The following PTPRG variants were observed in gnomAD, a reference collection of about 807,000 sequenced individuals.
PTPRG encodes the protein protein tyrosine phosphatase receptor type G.
A neutral mutation model predicts 165.3 loss-of-function variants in PTPRG; 102 were observed. The ratio of observed to expected loss-of-function variants is 0.62; its 90% CI spans 0.53 to 0.73. The LOEUF (loss-of-function observed/expected upper bound fraction) is 0.73, where lower values mean the gene tolerates loss of function less well. Among genes scored for constraint, PTPRG ranks in the 30% least tolerant of loss-of-function variants. PTPRG has a pLI of 0.00. For missense variants in PTPRG, 1,866 were observed against 1,861.4 expected (o/e 1.00, Z -0.05); for synonymous variants, 675 against 669.5 (o/e 1.01, Z -0.13).
At chr3:62,039,910 C>G (rs1700071542) in intron 4 of PTPRG, among the ~76,000 whole-genome samples, 1 of 152,146 alleles carries the variant, frequency 6.6e-6, no homozygotes, top group Non-Finnish European at 1.5e-5. Context: ...CTCCAAGTGA[C>G]TCTCTGTTAA....
At chr3:62,262,152 A>G (rs1701719527) in intron 16 of PTPRG, 1 of 152,210 alleles carries the variant, frequency 6.6e-6, no homozygotes, top group Non-Finnish European at 1.5e-5. Context: ...TATTTCTGCT[A>G]CTGCTATTTT....
chr3:61,912,942 T>C (rs1180566119), intron 2 of PTPRG, among the ~76,000 whole-genome samples: 1 of 152,132 alleles, frequency 6.6e-6, no homozygotes, highest in Non-Finnish European at 1.5e-5. Flanking sequence ...ATGCTGAAAA[T>C]AACATGAACA....
At chr3:61,962,482 G>C (rs1479855075) in intron 2 of PTPRG, among the ~76,000 whole-genome samples, 2 of 152,166 alleles carry the variant, frequency 1.3e-5, no homozygotes, top group Non-Finnish European at 2.9e-5. Context: ...GAAATGGGGA[G>C]AGTTAAGTGT....
At chr3:61,674,987 G>A (rs1703173830) in intron 1 of PTPRG, among the ~76,000 whole-genome samples, 1 of 152,118 alleles carries the variant, frequency 6.6e-6, no homozygotes, top group African/African-American at 2.4e-5. Flanking sequence ...AAATAAATTA[G>A]AACAGGAGAC....
chr3:61,834,089 T>C (rs1191047782), intron 2 of PTPRG, among the ~76,000 whole-genome samples: 1 of 152,228 alleles, frequency 6.6e-6, no homozygotes, highest in Non-Finnish European at 1.5e-5. Flanking sequence ...TGCTTATATA[T>C]TACTCTTTTA....
chr3:61,892,769 T>C (rs1258244945), intron 2 of PTPRG, among the ~76,000 whole-genome samples: 1 of 151,040 alleles, frequency 6.6e-6, no homozygotes, highest in Non-Finnish European at 1.5e-5. Context: ...TGAGCCGAGA[T>C]CGTGTCATTG....
At chr3:62,124,467 C>G in intron 5 of PTPRG, 1 of 1,612,944 alleles carries the variant, frequency 6.2e-7, no homozygotes, top group Non-Finnish European at 8.5e-7. Flanking sequence ...GGCACCAGCT[C>G]CTTGAGCTTG....
At chr3:61,861,396 TATC>T (rs2037267578) in intron 2 of PTPRG, among the ~76,000 whole-genome samples, 2 of 152,144 alleles carry the variant, frequency 1.3e-5, no homozygotes, top group South Asian at 4.1e-4. Context: ...TGATCAAAGA[TATC>T]ATTGTAGGAG....
intron 1 of PTPRG, among the ~76,000 whole-genome samples, chr3:61,649,833 A>C (rs1347219678): frequency 6.6e-6 from 1 of 152,224 alleles, no homozygotes; most frequent in Non-Finnish European, 1.5e-5. Context: ...GGCTGATGAC[A>C]GGGCTTGAAA....
intron 1 of PTPRG, among the ~76,000 whole-genome samples, chr3:61,673,428 A>G (rs1001520542): frequency 6.6e-6 from 1 of 152,210 alleles, no homozygotes; most frequent in Non-Finnish European, 1.5e-5. Context: ...TCATTGAGGT[A>G]GTTCTCAGTC....
At chr3:61,672,048 C>T (rs1379020747) in intron 1 of PTPRG, among the ~76,000 whole-genome samples, 7 of 139,778 alleles carry the variant, frequency 5.0e-5, no homozygotes, top group Non-Finnish European at 9.3e-5. Flanking sequence ...TCAGACGGGG[C>T]GGCTGGGCAG....
intron 12 of PTPRG, among the ~76,000 whole-genome samples, chr3:62,212,036 G>A (rs142186218): frequency 1.3e-5 from 2 of 151,764 alleles, no homozygotes; most frequent in African/African-American, 2.4e-5. Context: ...AAATAAAGAC[G>A]GAGAGAAAGA....
chr3:62,080,298 ACT>A (rs933961359), intron 5 of PTPRG, among the ~76,000 whole-genome samples: 1 of 149,622 alleles, frequency 6.7e-6, no homozygotes, highest in African/African-American at 2.5e-5. Flanking sequence ...CTGGTGTTAA[ACT>A]CTCAACCTCA....
intron 12 of PTPRG, among the ~76,000 whole-genome samples, chr3:62,207,223 G>C (rs985542801): frequency 1.3e-5 from 2 of 152,226 alleles, no homozygotes; most frequent in Non-Finnish European, 2.9e-5. Context: ...ACAATACACA[G>C]CTGAGAGGAT....
intron 1 of PTPRG, among the ~76,000 whole-genome samples, chr3:61,680,455 A>ACAT (rs1200461281): frequency 6.7e-6 from 1 of 150,292 alleles, no homozygotes; most frequent in East Asian, 2.0e-4. Flanking sequence ...AAATCCAGAA[A>ACAT]CATCAGCGTT....
rs187435775 is a variant in PTPRG, at chr3:61,924,307, T to C, written c.191-65318T>C. Among the ~76,000 whole-genome samples the C allele has an allele frequency of 5.9e-5, 9 of 152,320 alleles. No individual in the cohort carries two copies. In the East Asian group the frequency reaches 1.2e-3, roughly 20 times the overall value. The stretch of plus-strand genomic sequence containing the variant: ...GCTTCTGGATATGGCAAGTCCTAAT[T>C]TGGAAACTGGATTCCATCCTGCCTA... On this transcript the variant is annotated intron_variant, in intron 2 of 29. Transcript: ENST00000474889.
At chr3:62,243,603 TA>T (rs548540604) in intron 14 of PTPRG, 183 of 441,998 alleles carry the variant, frequency 4.1e-4, no homozygotes, top group South Asian at 8.1e-4. Flanking sequence ...GCGGTGATGA[TA>T]AAAAAAATGG....
At chr3:61,738,832 T>A (rs1200702401) in intron 1 of PTPRG, among the ~76,000 whole-genome samples, 2 of 152,146 alleles carry the variant, frequency 1.3e-5, no homozygotes, top group African/African-American at 4.8e-5. Context: ...TGGAGTGCAG[T>A]GGTGCCATCA....
chr3:61,600,192 A>ATGTGTGTGTG (rs1258297289), intron 1 of PTPRG, among the ~76,000 whole-genome samples: 4 of 106,636 alleles, frequency 3.8e-5, no homozygotes, highest in South Asian at 3.6e-4. Context: ...ATATATATAT[A>ATGTGTGTGTG]TGTGTGTGTG....
Sources: gnomAD v4.1 joint callset for allele counts (sites outside exome capture counted in the v4.1 genomes callset) on GRCh38, gnomAD v4.1.1 for gene constraint, MANE v1.5 for transcripts, NCBI Gene and HGNC (gene_info 2026-07-23, HGNC 2026-07-21) for gene names.